ABCA10: variants seen among roughly 807,000 people sequenced by gnomAD.
ABCA10 encodes the protein ATP-binding cassette sub-family A member 10.
In ABCA10, 169 loss-of-function variants were observed where a neutral mutation model predicts 187.5. The observed-to-expected ratio is 0.90, with a 90% confidence interval of 0.80 to 1.02. The LOEUF is 1.02. Among genes scored for constraint, ABCA10 ranks in the 50% least tolerant of loss-of-function variants. The probability of loss-of-function intolerance (pLI) is 0.00; values close to 1 mark genes in which losing one functional copy is unlikely to be tolerated. For synonymous variants in ABCA10, 574 were observed against 601.8 expected (o/e 0.95, Z 0.68); for missense variants, 1,727 against 1,812.4 (o/e 0.95, Z 0.86).
intron 19 of ABCA10, 48 bp from the exon 20 acceptor site, chr17:69,185,691 G>A (rs777884704): frequency 5.8e-5 from 84 of 1,447,490 alleles, no homozygotes; most frequent in Non-Finnish European, 7.8e-5. Flanking sequence ...TTTTCCTCTG[G>A]TTATTTAAGT....
intron 9 of ABCA10, among the ~76,000 whole-genome samples, chr17:69,202,084 T>C (rs2074550743): frequency 6.6e-6 from 1 of 152,090 alleles, no homozygotes; most frequent in African/African-American, 2.4e-5. Flanking sequence ...TGCCCGGCTA[T>C]AATGTTAAAA....
intron 1 of ABCA10, among the ~76,000 whole-genome samples, chr17:69,242,125 C>T (rs949493225): frequency 6.6e-6 from 1 of 152,180 alleles, no homozygotes; most frequent in Admixed American, 6.5e-5. Flanking sequence ...CATTCTATCA[C>T]AAACTTGATT....
intron 1 of ABCA10, among the ~76,000 whole-genome samples, chr17:69,243,038 G>A (rs1302096024): frequency 1.3e-5 from 2 of 152,158 alleles, no homozygotes; most frequent in African/African-American, 2.4e-5. Context: ...TAGTTTAGTT[G>A]ATAGATACCC....
intron 25 of ABCA10, among the ~76,000 whole-genome samples, chr17:69,167,066 T>TCC (rs1241899888): frequency 6.6e-6 from 1 of 152,172 alleles, no homozygotes; most frequent in Admixed American, 6.5e-5. Flanking sequence ...ATGAGAACCC[T>TCC]TTTTCTGGAT....
At chr17:69,152,234 G>A (rs375110866) in intron 35 of ABCA10, 51 bp from the exon 36 acceptor site, 32 of 1,582,616 alleles carry the variant, frequency 2.0e-5, no homozygotes, top group African/African-American at 4.1e-5. Context: ...TTTCTTCCTC[G>A]GTTCTCACTG....
chr17:69,160,560 T>C (rs2074208994), intron 27 of ABCA10, among the ~76,000 whole-genome samples: 1 of 151,994 alleles, frequency 6.6e-6, no homozygotes, highest in Non-Finnish European at 1.5e-5. Context: ...AGAGCCGAGA[T>C]TGCACCACTG....
chr17:69,216,088 T>C, intron 7 of ABCA10, 88 bp from the exon 8 acceptor site: 1 of 1,555,306 alleles, frequency 6.4e-7, no homozygotes, highest in Non-Finnish European at 8.7e-7. Context: ...TTGTCAAAAA[T>C]TTTCTCAAAA....
chr17:69,185,294 T>G (rs2074412597), intron 20 of ABCA10, among the ~76,000 whole-genome samples, 183 bp downstream of exon 20: 1 of 152,088 alleles, frequency 6.6e-6, no homozygotes, highest in Non-Finnish European at 1.5e-5. Flanking sequence ...ACAAACCTAT[T>G]GAAATAAAGA....
chr17:69,215,883 G>A lies in ABCA10; in HGVS notation c.790C>T (p.Leu264Phe). Residue 264 changes from leucine to phenylalanine, a missense_variant, in exon 8 of 39, where the codon CTT (leucine) becomes TTT (phenylalanine). Physicochemically the swap from Leu to Phe is conservative, Grantham distance 22 (BLOSUM62 0). Coordinates refer to ENST00000690296, the MANE Select transcript of ABCA10 (RefSeq NM_001377321.1). ...CLGFTVLYRQ[L>F]PLSLGWVLSL... ...AATACCCATCCCAAAGATAAAGGAA[G>A]TTGTCTATATAACACAGTGAATCCC... The A allele has an allele frequency of 6.2e-7, 1 of 1,613,604 alleles. No individual in the cohort carries two copies. The highest frequency in any genetic ancestry group is 8.5e-7 in the Non-Finnish European group (1 of 1,179,838).
chr17:69,194,868 G>A (rs2074486675), intron 11 of ABCA10, among the ~76,000 whole-genome samples: 2 of 152,216 alleles, frequency 1.3e-5, no homozygotes, highest in African/African-American at 4.8e-5. Context: ...TCTCCCTGAG[G>A]CTTGCAGAGC....
intron 9 of ABCA10, among the ~76,000 whole-genome samples, chr17:69,214,446 C>T (rs1314982302): frequency 2.0e-5 from 3 of 149,824 alleles, no homozygotes; most frequent in South Asian, 4.2e-4. Flanking sequence ...ACCCGGGAGG[C>T]GGAGCTTGCA....
At chr17:69,177,973 A>ATATATATATATATATATTTTTT (rs68149070) in intron 22 of ABCA10, among the ~76,000 whole-genome samples, 1 of 49,980 alleles carries the variant, frequency 2.0e-5, no homozygotes. Context: ...AAAAAAAAAA[A>ATATATATATATATATATTTTTT]ATATATATAT....
At chr17:69,170,845 G>A (rs1166005001) in intron 25 of ABCA10, among the ~76,000 whole-genome samples, 1 of 152,130 alleles carries the variant, frequency 6.6e-6, no homozygotes, top group African/African-American at 2.4e-5. Context: ...TGCTTGGGCT[G>A]AGGACAAGTC....
At position 69,148,875 on chromosome 17, in the gene ABCA10, T is replaced by A. The variant is rs1301941581; in HGVS notation, c.4584A>T (p.Lys1528Asn). Residue 1528 changes from lysine (K) to asparagine (N), a missense_variant, in exon 39 of 39, where the codon AAA (lysine) becomes AAT (asparagine). By Grantham distance (94) the Lys-to-Asn change is moderately conservative. Transcript: ENST00000690296. ...GTTTCCATTCAACTGTTGTATCAATTTTATCATCAACATTTCCCAGCTCCT... is the reference window on the plus strand; with the variant it reads ...GTTTCCATTCAACTGTTGTATCAATATTATCATCAACATTTCCCAGCTCCT... ...KEQELGNVDD[K>N]IDTTVEWKLL... 6.2e-7 allele frequency: 1 copy of A among 1,613,616 alleles called. No individual in the cohort carries two copies. Among genetic ancestry groups the A allele is most frequent in the Admixed American group, 1.7e-5 (1 of 59,992 alleles).
intron 10 of ABCA10, among the ~76,000 whole-genome samples, chr17:69,197,428 G>C (rs2074514127): frequency 6.6e-6 from 1 of 151,986 alleles, no homozygotes; most frequent in Admixed American, 6.5e-5. Context: ...AGAAAAAAGG[G>C]AGAGAGGCTT....
rs2074784304 is a variant in ABCA10 at position 69,225,222 on chromosome 17, T to C, written c.34+103A>G. On this transcript the variant is annotated intron_variant, in intron 3 of 38. Coordinates refer to ENST00000690296, the MANE Select transcript of ABCA10 (RefSeq NM_001377321.1). The stretch of plus-strand genomic sequence containing the variant: ...ATATAATGAGAATCTTTGCCTCAGT[T>C]GAGAATCACTGACACACAGGCTAGG... The C allele has an allele frequency of 3.0e-6, 4 of 1,323,468 alleles. No individual in the cohort carries two copies. The Admixed American group carries it at 5.3e-5, about 18-fold the overall frequency. The allele number at this position is 1,323,468 out of a possible 1,614,324, so 82.0% of individuals were successfully genotyped here. A position where few individuals can be genotyped will look rare whatever the true frequency, so the allele number is the denominator to read the frequency against.
At chr17:69,176,366 G>A (rs1324044048) in intron 22 of ABCA10, among the ~76,000 whole-genome samples, 1 of 151,886 alleles carries the variant, frequency 6.6e-6, no homozygotes, top group Non-Finnish European at 1.5e-5. Flanking sequence ...GCATTGAGGG[G>A]TCTTTAAGTT....
In ABCA10 at chr17:69,225,369, G is replaced by A; in HGVS notation, c.-11C>T. 6.2e-7 allele frequency: 1 copy of A among 1,613,070 alleles called. No homozygotes were observed. Among genetic ancestry groups the A allele is most frequent in the Non-Finnish European group, 8.5e-7 (1 of 1,179,320 alleles). On this transcript the variant is annotated 5_prime_UTR_variant, in exon 3 of 39. Coordinates refer to ENST00000690296, the MANE Select transcript of ABCA10 (RefSeq NM_001377321.1). ...GGCCATCTTATTCATTATCCTTTGT[G>A]TTATGTTACTGACTGGTGTATATGC...
chr17:69,211,946 T>C (rs910440484), intron 9 of ABCA10, among the ~76,000 whole-genome samples: 2 of 152,184 alleles, frequency 1.3e-5, no homozygotes, highest in Non-Finnish European at 2.9e-5. Flanking sequence ...TTGTTTCATT[T>C]ATTTTTTGTA....
Sources: allele counts gnomAD v4.1 joint callset (sites outside exome capture counted in the v4.1 genomes callset), GRCh38; gene constraint gnomAD v4.1.1; transcripts MANE v1.5; gene names NCBI Gene and HGNC (gene_info 2026-07-23, HGNC 2026-07-21).